The following NHLRC3 variants were observed in gnomAD, a reference collection of about 807,000 sequenced individuals.
NHLRC3 encodes NHL repeat containing 3.
Under a neutral mutation model 32.0 loss-of-function variants are expected in NHLRC3, and 23 were observed. The ratio of observed to expected loss-of-function variants is 0.72; its 90% CI spans 0.52 to 1.02. NHLRC3 has a LOEUF of 1.02. Ranked by LOEUF, NHLRC3 falls within the 50% of genes least tolerant of loss-of-function variation. The probability of loss-of-function intolerance (pLI) is 0.00; values close to 1 mark genes in which losing one functional copy is unlikely to be tolerated. For missense variants in NHLRC3, 407 were observed against 406.8 expected (o/e 1.00, Z -0.01); for synonymous variants, 159 against 147.9 (o/e 1.08, Z -0.55).
intron 4 of NHLRC3, among the ~76,000 whole-genome samples, chr13:39,043,436 C>T (rs1871539719): frequency 6.6e-6 from 1 of 152,098 alleles, no homozygotes; most frequent in African/African-American, 2.4e-5. Flanking sequence ...TCAAGCATTC[C>T]TTGGCTTGTG....
At chr13:39,041,367 T>C (rs1040313996) in intron 3 of NHLRC3, 2 of 152,186 alleles carry the variant, frequency 1.3e-5, no homozygotes, top group Admixed American at 1.3e-4. Flanking sequence ...TCACTTTCTT[T>C]CTGGTAAGCT....
chr13:39,046,530 A>C (rs986526388), intron 5 of NHLRC3, among the ~76,000 whole-genome samples: 8 of 152,180 alleles, frequency 5.3e-5, no homozygotes, highest in Non-Finnish European at 1.0e-4. Flanking sequence ...CTCTGTACAT[A>C]CCTTGGTAAT....
chr13:39,043,999 TA>T (rs1871561726), intron 4 of NHLRC3, 90 bp from the exon 5 acceptor site: 1 of 898,794 alleles, frequency 1.1e-6, no homozygotes, highest in East Asian at 2.4e-5. Context: ...GCGGTGTAAT[TA>T]AATAGTTCTT....
chr13:39,039,078 C>CAATT, intron 1 of NHLRC3, 58 bp from the exon 2 acceptor site: 11 of 1,038,028 alleles, frequency 1.1e-5, no homozygotes, highest in East Asian at 2.6e-5. Flanking sequence ...CCCCCCCGCC[C>CAATT]TTTTTTTGTT....
intron 5 of NHLRC3, among the ~76,000 whole-genome samples, chr13:39,046,161 C>G (rs1239880862): frequency 6.6e-6 from 1 of 151,876 alleles, no homozygotes; most frequent in African/African-American, 2.4e-5. Flanking sequence ...ACTAAAAATA[C>G]AAAAAAATTA....
chr13:39,044,362 C>T, intron 5 of NHLRC3, 181 bp downstream of exon 5: 1 of 585,760 alleles, frequency 1.7e-6, no homozygotes, highest in Non-Finnish European at 3.0e-6. Context: ...TACTCTGGGG[C>T]TGGGTGTGCA....
rs573579902 is a variant in NHLRC3, at chr13:39,047,354, C to T, written c.791+202C>T. On this transcript the variant is annotated intron_variant, in intron 6 of 6. Coordinates refer to ENST00000379600, the MANE Select transcript of NHLRC3 (RefSeq NM_001012754.4). ...AAGAAATAACATATGCTAGACCTCT[C>T]CTCTAGCCTTTATTTGGTAAATGTT... 5.9e-5 allele frequency among the ~76,000 whole-genome samples: 9 copies of T among 152,302 alleles called. No homozygotes were observed. The East Asian group carries it at 1.7e-3, about 29-fold the overall frequency.
rs1230751395 is a variant in NHLRC3, at chr13:39,048,907, A to G, written c.*981A>G. 3 of 152,542 alleles carry G rather than the reference A, an allele frequency of 2.0e-5. No homozygotes were observed. Among genetic ancestry groups the G allele is most frequent in the Non-Finnish European group, 2.9e-5 (2 of 68,008 alleles). 9.4% of individuals were successfully genotyped at this position (152,542 alleles called of 1,614,324 possible). On this transcript the variant is annotated 3_prime_UTR_variant, in exon 7 of 7. Transcript: ENST00000379600. The stretch of plus-strand genomic sequence containing the variant: ...TTATTCCTAACATTTGTCTACCTCA[A>G]AGAAATTTCAAGATTATTTAGATAA...
rs1156307051 is a variant in NHLRC3 at position 39,049,917 on chromosome 13, T to G, written c.*1991T>G. Reference sequence around the variant, plus strand: ...TCTTATAAAACCTGCTGCAAATATTTCTGAATGTCTTTGTAAAAGTGTTTG... The same window carrying G: ...TCTTATAAAACCTGCTGCAAATATTGCTGAATGTCTTTGTAAAAGTGTTTG... On this transcript the variant is annotated 3_prime_UTR_variant, in exon 7 of 7. Transcript: ENST00000379600. The G allele has an allele frequency of 6.6e-6, 1 of 152,244 alleles. No individual in the cohort carries two copies. The allele number at this position is 152,244 out of a possible 1,614,324, so 9.4% of individuals were successfully genotyped here.
intron 5 of NHLRC3, among the ~76,000 whole-genome samples, chr13:39,045,504 A>G (rs781659722): frequency 2.0e-5 from 3 of 152,202 alleles, no homozygotes; most frequent in African/African-American, 7.2e-5. Flanking sequence ...AGCATTTTAC[A>G]TAATTAATTC....
intron 1 of NHLRC3, 148 bp downstream of exon 1, chr13:39,038,871 C>G: frequency 1.4e-6 from 1 of 730,482 alleles, no homozygotes; most frequent in Non-Finnish European, 2.4e-6. Flanking sequence ...TGCCTTGACC[C>G]TTTGAGTTTA....
chr13:39,044,099 TC>T lies in NHLRC3; in HGVS notation c.598del (p.Leu200PhefsTer49). The T allele has an allele frequency of 6.2e-7, 1 of 1,611,414 alleles. No individual in the cohort carries two copies. On this transcript the variant is annotated frameshift_variant, in exon 5 of 7. Transcript: ENST00000379600. LOFTEE classifies it high-confidence loss of function. ...TTTTTACCGTTTATAGATTTCATGA[TC>T]CTTTGGCTGCATGGAGAAAATGGGA... The part of the protein sequence containing the change: ...RLIKLSQDFM[I>X]LWLHGENGTG...
At position 39,049,130 on chromosome 13, in the gene NHLRC3, T is replaced by G. The variant is rs1182940728; in HGVS notation, c.*1204T>G. ...CATTTTGTAATCTTTCAAATCATTC[T>G]TCACCCTTCCTCACATCAGCTTCCT... On this transcript the variant is annotated 3_prime_UTR_variant, in exon 7 of 7. Transcript: ENST00000379600. 6.6e-6 allele frequency: 1 copy of G among 152,538 alleles called. No homozygotes were observed. The highest frequency in any genetic ancestry group is 1.5e-5 in the Non-Finnish European group (1 of 68,034). 9.4% of individuals were successfully genotyped at this position (152,538 alleles called of 1,614,324 possible).
intron 5 of NHLRC3, 32 bp from the exon 6 acceptor site, chr13:39,047,007 AT>A (rs1871704086): frequency 7.7e-7 from 1 of 1,290,526 alleles, no homozygotes; most frequent in South Asian, 1.2e-5. Context: ...TCTCATGGAT[AT>A]TTTTCAATTG....
intron 1 of NHLRC3, chr13:39,038,933 A>G (rs1311645414): frequency 6.3e-6 from 4 of 635,116 alleles, no homozygotes; most frequent in South Asian, 1.9e-5. Flanking sequence ...CTCTTACTAC[A>G]TCCTCAAATA....
chr13:39,042,717 T>C (rs1871512336), intron 4 of NHLRC3, among the ~76,000 whole-genome samples: 1 of 152,242 alleles, frequency 6.6e-6, no homozygotes, highest in South Asian at 2.1e-4. Flanking sequence ...AGATCTATTA[T>C]GTATTGAAAC....
chr13:39,044,126 C>T lies in NHLRC3; in HGVS notation c.623C>T (p.Thr208Ile). ...MILWLHGENG[T>I]GPAKFNIPHS... ...CTTTGGCTGCATGGAGAAAATGGGA[C>T]AGGGCCTGCTAAGTTCAACATACCT... Residue 208 changes from threonine (T) to isoleucine (I), a missense_variant, in exon 5 of 7, where the codon ACA becomes ATA. By Grantham distance (89) the Thr-to-Ile change is moderately conservative. Coordinates refer to ENST00000379600, the MANE Select transcript of NHLRC3 (RefSeq NM_001012754.4). 6.2e-7 allele frequency: 1 copy of T among 1,613,800 alleles called. No individual in the cohort carries two copies. The highest frequency in any genetic ancestry group is 1.1e-5 in the South Asian group (1 of 91,072).
rs774032867 is a variant in NHLRC3 at position 39,047,151 on chromosome 13, A to G, written c.790A>G (p.Arg264Gly). Residue 264 changes from arginine (R) to glycine (G), a missense_variant and splice_region_variant, in exon 6 of 7, where the codon AGG becomes GGG. Physicochemically the swap from Arg to Gly is moderately radical, Grantham distance 125. Coordinates refer to ENST00000379600, the MANE Select transcript of NHLRC3 (RefSeq NM_001012754.4). Reference sequence around the variant, plus strand: ...CACAGAAGAGGGACCTTCTTCAGTCAGGTAATTGTTTCATTTTATTGCAAA... The same window carrying G: ...CACAGAAGAGGGACCTTCTTCAGTCGGGTAATTGTTTCATTTTATTGCAAA... ...CFTEEGPSSV[R>G]FTPDGKYLIV... The G allele has an allele frequency of 1.3e-6, 2 of 1,561,164 alleles. No homozygotes were observed. Among genetic ancestry groups the G allele is most frequent in the East Asian group, 4.5e-5 (2 of 44,544 alleles).
intron 2 of NHLRC3, 22 bp from the exon 3 acceptor site, chr13:39,039,542 G>A: frequency 1.3e-6 from 2 of 1,593,324 alleles, no homozygotes; most frequent in South Asian, 1.1e-5. Context: ...ATCCTAAGAA[G>A]TTATTTTTTG....
Sources: gnomAD v4.1 joint callset for allele counts (sites outside exome capture counted in the v4.1 genomes callset) on GRCh38, gnomAD v4.1.1 for gene constraint, MANE v1.5 for transcripts, NCBI Gene and HGNC (gene_info 2026-07-23, HGNC 2026-07-21) for gene names.